Variants in ADGRF4 observed in about 807,000 individuals in gnomAD.
ADGRF4 encodes G-protein coupled receptor PGR18.
In ADGRF4, 63 loss-of-function variants were observed where a neutral mutation model predicts 58.5. The ratio of observed to expected loss-of-function variants is 1.08; its 90% CI spans 0.88 to 1.33. ADGRF4 has a LOEUF of 1.33. Ranked by LOEUF, ADGRF4 falls within the 40% of genes most tolerant of loss-of-function variation. ADGRF4 has a pLI of 0.00. For missense variants in ADGRF4, 931 were observed against 843.9 expected (o/e 1.10, Z -1.28); for synonymous variants, 313 against 295.4 (o/e 1.06, Z -0.61).
At chr6:47,712,777 C>A (rs1185183496) in intron 5 of ADGRF4, among the ~76,000 whole-genome samples, 169 bp downstream of exon 5, 1 of 152,162 alleles carries the variant, frequency 6.6e-6, no homozygotes, top group Non-Finnish European at 1.5e-5. Context: ...TGGAGGTTTT[C>A]AAGTAGTTAA....
intron 6 of ADGRF4, 69 bp downstream of exon 6, chr6:47,715,246 A>C: frequency 4.4e-6 from 5 of 1,128,878 alleles, no homozygotes; most frequent in African/African-American, 1.6e-5. Flanking sequence ...TATGATTTGA[A>C]ATTATATAAC....
At chr6:47,720,000 G>A (rs1044331937) in intron 9 of ADGRF4, among the ~76,000 whole-genome samples, 1 of 152,196 alleles carries the variant, frequency 6.6e-6, no homozygotes, top group East Asian at 1.9e-4. Context: ...GTGGCTCTGT[G>A]CCTATTGAAT....
rs199642126 is a variant in ADGRF4, at chr6:47,716,844, C to T, written c.1971C>T (p.His657=). The T allele has an allele frequency of 1.5e-4, 247 of 1,595,252 alleles. No individual in the cohort carries two copies. The highest frequency in any genetic ancestry group is 2.1e-4 in the Non-Finnish European group (240 of 1,169,176). The change falls in exon 7 of 10, where the codon CAC becomes CAT. Residue 657 remains histidine, a synonymous_variant. Coordinates refer to ENST00000283303, the MANE Select transcript of ADGRF4 (RefSeq NM_153838.5). The stretch of plus-strand genomic sequence containing the variant: ...TGCTGTTTGGAACCATTATGGATCA[C>T]AAGGTAATTTGAATTTGCTTCCTCC... ...FILLFGTIMD[H]KIRDALRMRM... is the part of the protein sequence containing the mutation.
chr6:47,714,871 C>G lies in ADGRF4; in HGVS notation c.1626C>G (p.Gly542=), dbSNP rs1771970559. Residue 542 remains glycine, a synonymous_variant, in exon 6 of 10, where the codon GGC becomes GGG. Coordinates refer to ENST00000283303, the MANE Select transcript of ADGRF4 (RefSeq NM_153838.5). ...TTVAITEPEK[G]YMRPEACWLN... ...TTGCTATCACAGAGCCAGAGAAAGG[C>G]TACATGAGACCTGAGGCCTGTTGGC... The G allele has an allele frequency of 6.2e-7, 1 of 1,609,418 alleles. No homozygotes were observed. The highest frequency in any genetic ancestry group is 8.5e-7 in the Non-Finnish European group (1 of 1,175,936).
chr6:47,711,205 T>C (rs1771858857), intron 4 of ADGRF4, among the ~76,000 whole-genome samples: 1 of 152,204 alleles, frequency 6.6e-6, no homozygotes, highest in South Asian at 2.1e-4. Context: ...TGGGTTGGTA[T>C]GCCTCTTGTG....
chr6:47,713,692 A>G (rs1224630525), intron 5 of ADGRF4, 106 bp from the exon 6 acceptor site: 1 of 873,652 alleles, frequency 1.1e-6, no homozygotes, highest in Non-Finnish European at 1.7e-6. Flanking sequence ...GAAATATGCC[A>G]AATAAGATTG....
At chr6:47,705,311 T>A (rs1771684077) in intron 1 of ADGRF4, among the ~76,000 whole-genome samples, 1 of 152,252 alleles carries the variant, frequency 6.6e-6, no homozygotes, top group African/African-American at 2.4e-5. Context: ...TTCTGGTACT[T>A]TCTTTAGTGA....
chr6:47,721,160 T>C (rs1259099550), intron 9 of ADGRF4, 49 bp from the exon 10 acceptor site: 3 of 152,214 alleles, frequency 2.0e-5, no homozygotes, highest in African/African-American at 7.2e-5. Flanking sequence ...AAAAACCCAA[T>C]GCAAGCTATT....
intron 3 of ADGRF4, among the ~76,000 whole-genome samples, chr6:47,709,189 C>T (rs750041684): frequency 6.6e-6 from 1 of 152,018 alleles, no homozygotes; most frequent in Non-Finnish European, 1.5e-5. Flanking sequence ...TTGATTTGAA[C>T]ACCCTAATAG....
chr6:47,717,460 A>G lies in ADGRF4; in HGVS notation c.2034+109A>G, dbSNP rs1772050135. The G allele has an allele frequency of 2.7e-5, 21 of 772,074 alleles. No individual in the cohort carries two copies. The South Asian group carries it at 2.9e-4, about 11-fold the overall frequency. 47.8% of individuals were successfully genotyped at this position (772,074 alleles called of 1,614,324 possible). On this transcript the variant is annotated intron_variant, in intron 8 of 9. Coordinates refer to ENST00000283303, the MANE Select transcript of ADGRF4 (RefSeq NM_153838.5). ...CAGGATCTGTGGGCAAAGAGGATCA[A>G]TAAAGCGTACTTCATTCATTCATTT... is the stretch of plus-strand genomic sequence containing the variant.
rs1176174552 is a variant in ADGRF4 at position 47,707,213 on chromosome 6, T to G, written c.-16-17T>G. ...GTTGTCACCTTCAGGTGGGTATGCC[T>G]TCTTTCTCTATTGCAGGTGAAGATC... is the stretch of plus-strand genomic sequence containing the variant. On this transcript the variant is annotated splice_polypyrimidine_tract_variant and intron_variant, in intron 1 of 9. Transcript: ENST00000283303. The G allele has an allele frequency of 4.2e-6, 6 of 1,428,530 alleles. No individual in the cohort carries two copies. The highest frequency in any genetic ancestry group is 5.9e-6 in the Non-Finnish European group (6 of 1,011,034). The allele number at this position is 1,428,530 out of a possible 1,614,324, so 88.5% of individuals were successfully genotyped here. A position where few individuals can be genotyped will look rare whatever the true frequency, so the allele number is the denominator to read the frequency against.
chr6:47,700,987 G>C (rs1928465), intron 1 of ADGRF4, among the ~76,000 whole-genome samples: 5 of 151,210 alleles, frequency 3.3e-5, no homozygotes, highest in African/African-American at 9.8e-5. Flanking sequence ...TCAGGCTCTG[G>C]GGGGGAAGAG....
chr6:47,720,511 A>G (rs2113911581), intron 9 of ADGRF4, among the ~76,000 whole-genome samples: 1 of 152,290 alleles, frequency 6.6e-6, no homozygotes, highest in South Asian at 2.1e-4. Context: ...CAGGGTTGAG[A>G]CAGGTCTGTC....
chr6:47,709,849 G>GTTTT (rs71305748), intron 3 of ADGRF4, among the ~76,000 whole-genome samples: 36,494 of 147,342 alleles, frequency 0.25, 4,723 homozygotes, highest in African/African-American at 0.3. Context: ...TAGCATCACA[G>GTTTT]TTTTTTTTTT....
Position 47,712,431 on chromosome 6 carries a change from A to G in ADGRF4, c.375A>G (p.Pro125=). Residue 125 remains proline (P), a synonymous_variant, in exon 5 of 10, where the codon CCA becomes CCG. Transcript: ENST00000283303. ...IPLHILDFRA[P]ETIESVAQGI... ...TGCATATTCTAGACTTTCGAGCTCC[A>G]GAGACCATTGAGAGTGTAGCTCAAG... 6.2e-7 allele frequency: 1 copy of G among 1,614,090 alleles called. No homozygotes were observed. Among genetic ancestry groups the G allele is most frequent in the Non-Finnish European group, 8.5e-7 (1 of 1,179,908 alleles).
chr6:47,700,358 A>C (rs1479302372), intron 1 of ADGRF4, among the ~76,000 whole-genome samples: 3 of 152,148 alleles, frequency 2.0e-5, no homozygotes, highest in Non-Finnish European at 2.9e-5. Flanking sequence ...ATCCCCTACA[A>C]TTCCATCTGG....
At chr6:47,712,695 A>G (rs1771903135) in intron 5 of ADGRF4, 87 bp downstream of exon 5, 1 of 933,540 alleles carries the variant, frequency 1.1e-6, no homozygotes, top group Non-Finnish European at 1.6e-6. Context: ...GGCAAAAACT[A>G]CAGTGACAGC....
At chr6:47,713,413 C>CT (rs2113903886) in intron 5 of ADGRF4, among the ~76,000 whole-genome samples, 1 of 152,246 alleles carries the variant, frequency 6.6e-6, no homozygotes, top group African/African-American at 2.4e-5. Context: ...CTTTGGAATT[C>CT]TTTGTAAGGC....
At chr6:47,718,693 T>A (rs1772090245) in intron 9 of ADGRF4, among the ~76,000 whole-genome samples, 1 of 152,204 alleles carries the variant, frequency 6.6e-6, no homozygotes, top group African/African-American at 2.4e-5. Context: ...CTGTCTACAG[T>A]GCTCACATAC....
Sources: gnomAD v4.1 joint callset for allele counts (sites outside exome capture counted in the v4.1 genomes callset) on GRCh38, gnomAD v4.1.1 for gene constraint, MANE v1.5 for transcripts, NCBI Gene and HGNC (gene_info 2026-07-23, HGNC 2026-07-21) for gene names.